Variants in MALRD1 observed in about 807,000 individuals in gnomAD.
The protein encoded by MALRD1 is MAM and LDL receptor class A domain containing 1.
Under a neutral mutation model 242.1 loss-of-function variants are expected in MALRD1, and 247 were observed. The ratio of observed to expected loss-of-function variants is 1.02; its 90% CI spans 0.92 to 1.13. The LOEUF (loss-of-function observed/expected upper bound fraction) is 1.13, where lower values mean the gene tolerates loss of function less well. MALRD1 is among the 50% of genes most tolerant of loss of function. The pLI is 0.00. For synonymous variants in MALRD1, 995 were observed against 866.6 expected, an observed-to-expected ratio of 1.15 and a Z score of -2.60; for missense variants, 2,989 against 2,533.1, an observed-to-expected ratio of 1.18 and a Z score of -3.86.
chr10:19,350,271 C>CTTT (rs202204577), intron 25 of MALRD1, among the ~76,000 whole-genome samples: 18 of 118,478 alleles, frequency 1.5e-4, no homozygotes, highest in Non-Finnish European at 2.0e-4. Flanking sequence ...TTCTTTTTTT[C>CTTT]TTTTTTTTTT....
chr10:19,452,323 G>C (rs183351546), intron 29 of MALRD1, among the ~76,000 whole-genome samples: 30 of 152,246 alleles, frequency 2.0e-4, no homozygotes, highest in Admixed American at 1.6e-3. Context: ...ATAGAGTTCT[G>C]TGAGAGTTTA....
At chr10:19,171,472 A>G in intron 13 of MALRD1, among the ~76,000 whole-genome samples, 1 of 143,936 alleles carries the variant, frequency 6.9e-6, no homozygotes, top group East Asian at 2.0e-4. Flanking sequence ...ACATGTATAT[A>G]CACACACACA....
chr10:19,457,130 A>C (rs1835702345), intron 29 of MALRD1, among the ~76,000 whole-genome samples: 1 of 152,192 alleles, frequency 6.6e-6, no homozygotes, highest in African/African-American at 2.4e-5. Context: ...GAAAAATTGA[A>C]ATAGCTAGAT....
chr10:19,503,480 G>C (rs2131263797), intron 31 of MALRD1, among the ~76,000 whole-genome samples: 1 of 152,282 alleles, frequency 6.6e-6, no homozygotes, highest in African/African-American at 2.4e-5. Context: ...AAGTTGGGGA[G>C]AGAAACAACA....
At chr10:19,070,361 A>C (rs187731219) in intron 2 of MALRD1, among the ~76,000 whole-genome samples, 14 of 152,242 alleles carry the variant, frequency 9.2e-5, no homozygotes, top group African/African-American at 2.6e-4. Flanking sequence ...TAAGTATTGA[A>C]TACCTCCTGT....
intron 33 of MALRD1, among the ~76,000 whole-genome samples, chr10:19,583,698 G>T (rs1195646172): frequency 1.3e-5 from 2 of 151,900 alleles, no homozygotes; most frequent in Non-Finnish European, 2.9e-5. Context: ...TTTTGGTTGT[G>T]TCTCTGCCCG....
chr10:19,244,546 C>T lies in MALRD1; in HGVS notation c.2992-13138C>T, dbSNP rs79827988. On this transcript the variant is annotated intron_variant, in intron 18 of 39. Transcript: ENST00000454679. Reference sequence around the variant, plus strand: ...ACGCCCTGCTCTTCAGCCTGGGCAACGAAGTCAGACCCTGTTTCAAAAAAA... The same window carrying T: ...ACGCCCTGCTCTTCAGCCTGGGCAATGAAGTCAGACCCTGTTTCAAAAAAA... Among the ~76,000 whole-genome samples the T allele has an allele frequency of 0.015, 2,263 of 151,568 alleles. 82 individuals carry two copies. The East Asian group carries it at 0.16, about 11-fold the overall frequency.
rs1447694462 is a variant in MALRD1 at position 19,498,640 on chromosome 10, A to G, written c.5314A>G (p.Thr1772Ala). The G allele has an allele frequency of 1.3e-6, 2 of 1,549,244 alleles. No individual in the cohort carries two copies. The highest frequency in any genetic ancestry group is 2.7e-5 in the African/African-American group (2 of 72,952). ...AKALIPDSDHTPGSGQHFLYV... is the reference protein window; with the variant it reads ...AKALIPDSDHAPGSGQHFLYV... ...AGCATTAATTCCAGACTCTGATCAC[A>G]CGCCAGGTAAATCTAGTAGCCATCC... Residue 1772 changes from threonine (T) to alanine (A), a missense_variant, in exon 31 of 40, where the codon ACG becomes GCG. Transcript: ENST00000454679.
chr10:19,670,969 C>T (rs924021280), intron 36 of MALRD1, among the ~76,000 whole-genome samples: 1 of 151,632 alleles, frequency 6.6e-6, no homozygotes, highest in Non-Finnish European at 1.5e-5. Context: ...AGCTCCGCCT[C>T]CCGGGTTCAC....
At chr10:19,438,580 T>C (rs562535990) in intron 28 of MALRD1, among the ~76,000 whole-genome samples, 23 of 152,340 alleles carry the variant, frequency 1.5e-4, no homozygotes, top group African/African-American at 5.3e-4. Flanking sequence ...ACCTCCATAC[T>C]GTTTTCTACA....
chr10:19,100,789 T>C (rs1235851332), intron 4 of MALRD1, among the ~76,000 whole-genome samples: 1 of 152,128 alleles, frequency 6.6e-6, no homozygotes, highest in Admixed American at 6.6e-5. Flanking sequence ...AGAGGAATGG[T>C]GTTTTTTTTT....
At chr10:19,355,838 A>ATGTATTT (rs1844604734) in intron 26 of MALRD1, among the ~76,000 whole-genome samples, 1 of 34,400 alleles carries the variant, frequency 2.9e-5, no homozygotes, top group Non-Finnish European at 5.7e-5. Flanking sequence ...AGGGAAGAAC[A>ATGTATTT]TATATTATAT....
chr10:19,186,452 T>C (rs1835740752), intron 14 of MALRD1, among the ~76,000 whole-genome samples: 1 of 152,184 alleles, frequency 6.6e-6, no homozygotes, highest in African/African-American at 2.4e-5. Context: ...ATCTGATAAA[T>C]AACCCATGCT....
chr10:19,091,944 G>A lies in MALRD1; in HGVS notation c.597+3759G>A, dbSNP rs1393295601. ...CTGAGTTCTAGTTTGATTGCAGTGT[G>A]GTCTGAGAGATAGTTTGTTATAATT... On this transcript the variant is annotated intron_variant, in intron 4 of 39. Transcript: ENST00000454679. Among the ~76,000 whole-genome samples the A allele has an allele frequency of 3.9e-5, 3 of 76,172 alleles. 1 individual carries two copies. The highest frequency in any genetic ancestry group is 1.7e-4 in the African/African-American group (2 of 11,894). The allele number at this position is 76,172 out of a possible 152,430, so 50.0% of individuals were successfully genotyped here. A position where few individuals can be genotyped will look rare whatever the true frequency, so the allele number is the denominator to read the frequency against.
chr10:19,388,483 G>A (rs1419059129), intron 27 of MALRD1, among the ~76,000 whole-genome samples: 1 of 152,134 alleles, frequency 6.6e-6, no homozygotes, highest in Non-Finnish European at 1.5e-5. Flanking sequence ...CCACTCATGT[G>A]ATCATTAGCA....
intron 18 of MALRD1, among the ~76,000 whole-genome samples, chr10:19,212,364 G>GT (rs951849723): frequency 6.6e-6 from 1 of 151,864 alleles, no homozygotes; most frequent in African/African-American, 2.4e-5. Context: ...GACATTTTAT[G>GT]TTTTTTTCTC....
At chr10:19,070,031 G>T (rs183276129) in intron 2 of MALRD1, among the ~76,000 whole-genome samples, 1 of 151,914 alleles carries the variant, frequency 6.6e-6, no homozygotes, top group Non-Finnish European at 1.5e-5. Context: ...TGAAATCTCC[G>T]CATATATTTT....
Position 19,165,265 on chromosome 10 carries a change from A to ATATATATT in MALRD1, c.1657-371_1657-370insATATATTT. 2.3e-4 allele frequency among the ~76,000 whole-genome samples: 30 copies of ATATATATT among 130,308 alleles called. 1 individual carries two copies. Among genetic ancestry groups the ATATATATT allele is most frequent in the African/African-American group, 9.7e-4 (30 of 30,916 alleles). The allele number at this position is 130,308 out of a possible 152,430, so 85.5% of individuals were successfully genotyped here. A position where few individuals can be genotyped will look rare whatever the true frequency, so the allele number is the denominator to read the frequency against. Reference sequence around the variant, plus strand: ...GGAATATATATATATATATATATATATTTTGTTTTGTTTTGTTTTTGTTTT... The same window carrying ATATATATT: ...GGAATATATATATATATATATATATATATATATTTTTTGTTTTGTTTTGTTTTTGTTTT... On this transcript the variant is annotated intron_variant, in intron 12 of 39. Coordinates refer to ENST00000454679, the MANE Select transcript of MALRD1 (RefSeq NM_001142308.3).
chr10:19,567,582 C>T lies in MALRD1; in HGVS notation c.5559C>T (p.Gly1853=). 6.4e-7 allele frequency: 1 copy of T among 1,550,484 alleles called. No homozygotes were observed. The highest frequency in any genetic ancestry group is 8.7e-7 in the Non-Finnish European group (1 of 1,146,924). ...IGNKRTGWTY[G]SVPLSSNSPF... The stretch of plus-strand genomic sequence containing the variant: ...ATAAAAGAACGGGATGGACATATGG[C>T]TCTGTGCCTCTCTCCAGTAACAGTC... Residue 1853 remains glycine, a synonymous_variant, in exon 33 of 40, where the codon GGC becomes GGT. Coordinates refer to ENST00000454679, the MANE Select transcript of MALRD1 (RefSeq NM_001142308.3).
Sources: allele counts gnomAD v4.1 joint callset (sites outside exome capture counted in the v4.1 genomes callset), GRCh38; gene constraint gnomAD v4.1.1; transcripts MANE v1.5; gene names NCBI Gene and HGNC (gene_info 2026-07-23, HGNC 2026-07-21).